Variants in TRPS1 observed in about 807,000 individuals in gnomAD.
The protein encoded by TRPS1 is zinc finger transcription factor Trps1.
A neutral mutation model predicts 101.2 loss-of-function variants in TRPS1; 6 were observed. The ratio of observed to expected loss-of-function variants is 0.06; its 90% CI spans 0.03 to 0.12. The LOEUF is 0.12. Among genes scored for constraint, TRPS1 ranks in the 10% least tolerant of loss-of-function variants. The probability of loss-of-function intolerance (pLI) is 1.00; values close to 1 mark genes in which losing one functional copy is unlikely to be tolerated. For synonymous variants in TRPS1, 578 were observed against 589.8 expected (o/e 0.98, Z 0.29); for missense variants, 1,363 against 1,567.0 (o/e 0.87, Z 2.20).
At chr8:115,667,963 T>C (rs772449999) in intron 1 of TRPS1, 1 of 1,453,672 alleles carries the variant, frequency 6.9e-7, no homozygotes, top group Non-Finnish European at 9.3e-7. Context: ...GCCCCTCGGG[T>C]CCAACCACCT....
At chr8:115,463,004 C>A (rs1814225950) in intron 5 of TRPS1, among the ~76,000 whole-genome samples, 1 of 152,162 alleles carries the variant, frequency 6.6e-6, no homozygotes, top group Non-Finnish European at 1.5e-5. Context: ...TCAACTTTCT[C>A]ATCTGTAAAC....
intron 4 of TRPS1, among the ~76,000 whole-genome samples, chr8:115,598,466 T>C (rs1817837045): frequency 6.6e-6 from 1 of 151,978 alleles, no homozygotes; most frequent in African/African-American, 2.4e-5. Context: ...ACCACTATAC[T>C]CAGATCATGT....
rs758324424 is a variant in TRPS1, at chr8:115,620,001, T to C, written c.97A>G (p.Ile33Val). 1.2e-6 allele frequency: 2 copies of C among 1,614,210 alleles called. No individual in the cohort carries two copies. The highest frequency in any genetic ancestry group is 1.7e-6 in the Non-Finnish European group (2 of 1,180,044). Reference sequence around the variant, plus strand: ...CTTTCTGTACCTATAGGCTCCAGGATCTGGCCCTCGCCTTCACTTGCAACG... The same window carrying C: ...CTTTCTGTACCTATAGGCTCCAGGACCTGGCCCTCGCCTTCACTTGCAACG... The part of the protein sequence containing the change: ...RNVASEGEGQ[I>V]LEPIGTESKV... The change falls in exon 3 of 7, where the codon ATC (isoleucine) becomes GTC (valine). Residue 33 changes from isoleucine to valine, a missense_variant. Ile to Val is a conservative substitution (Grantham distance 29, BLOSUM62 3). This residue lies in a region of TRPS1 where 1,020 missense variants were observed against 1,073.0 expected (regional missense o/e 0.95). Coordinates refer to ENST00000395715, the MANE Select transcript of TRPS1 (RefSeq NM_014112.5).
chr8:115,566,374 C>A (rs1817068191), intron 5 of TRPS1, among the ~76,000 whole-genome samples: 1 of 152,082 alleles, frequency 6.6e-6, no homozygotes, highest in South Asian at 2.1e-4. Context: ...TTGCTCAAGG[C>A]CAGTTGGCAA....
At chr8:115,603,360 T>TA (rs989396938) in intron 4 of TRPS1, among the ~76,000 whole-genome samples, 1 of 152,200 alleles carries the variant, frequency 6.6e-6, no homozygotes, top group African/African-American at 2.4e-5. Context: ...TTACTGTTTG[T>TA]ATGCTAAACA....
intron 2 of TRPS1, among the ~76,000 whole-genome samples, chr8:115,620,465 G>A (rs1818369444): frequency 6.9e-6 from 1 of 145,504 alleles, no homozygotes; most frequent in African/African-American, 2.8e-5. Context: ...ATGTACACAT[G>A]TTATGTTTAT....
At chr8:115,446,675 C>T (rs1813744865) in intron 5 of TRPS1, among the ~76,000 whole-genome samples, 1 of 152,140 alleles carries the variant, frequency 6.6e-6, no homozygotes, top group Non-Finnish European at 1.5e-5. Context: ...CTATCCATGG[C>T]TATTCTAGAA....
chr8:115,633,425 A>C (rs1279769987), intron 1 of TRPS1, among the ~76,000 whole-genome samples: 1 of 152,104 alleles, frequency 6.6e-6, no homozygotes, highest in Non-Finnish European at 1.5e-5. Flanking sequence ...GTAGATATTA[A>C]ATGTTCCATG....
chr8:115,556,989 T>C (rs1816836112), intron 5 of TRPS1, among the ~76,000 whole-genome samples: 1 of 152,148 alleles, frequency 6.6e-6, no homozygotes, highest in African/African-American at 2.4e-5. Flanking sequence ...AGAAAGAGGT[T>C]TAATGGACTT....
intron 5 of TRPS1, among the ~76,000 whole-genome samples, chr8:115,514,219 G>C (rs1815654181): frequency 6.6e-6 from 1 of 151,664 alleles, no homozygotes; most frequent in South Asian, 2.1e-4. Flanking sequence ...AATTAAAGAA[G>C]ACATGGTCCT....
Position 115,668,713 on chromosome 8 carries a change from A to T in TRPS1, c.-290T>A, listed in dbSNP as rs1215376452. On this transcript the variant is annotated 5_prime_UTR_variant, in exon 1 of 7. Transcript: ENST00000395715. ...CCCCTTTCCCTCCCCCACCCTTATT[A>T]AAAAAGAGAGAGAGAGAGAGAGAGA... 2 of 81,244 alleles carry T rather than the reference A, an allele frequency of 2.5e-5. No individual in the cohort carries two copies. The highest frequency in any genetic ancestry group is 6.0e-4 in the East Asian group (2 of 3,320). The allele number at this position is 81,244 out of a possible 1,614,324, so 5.0% of individuals were successfully genotyped here.
intron 5 of TRPS1, among the ~76,000 whole-genome samples, chr8:115,492,805 C>T (rs551010244): frequency 1.6e-3 from 249 of 152,146 alleles, no homozygotes; most frequent in Middle Eastern, 3.4e-3. Context: ...CCACCACCTC[C>T]CAGGTCCAAG....
intron 4 of TRPS1, among the ~76,000 whole-genome samples, chr8:115,596,677 T>C (rs1014502342): frequency 1.3e-5 from 2 of 151,802 alleles, no homozygotes; most frequent in African/African-American, 4.8e-5. Context: ...TACTTATATG[T>C]ATGCATACAT....
At chr8:115,535,690 T>C (rs1816302026) in intron 5 of TRPS1, among the ~76,000 whole-genome samples, 1 of 150,752 alleles carries the variant, frequency 6.6e-6, no homozygotes, top group Non-Finnish European at 1.5e-5. Flanking sequence ...TGAAACCCCA[T>C]CTCTACTAAA....
chr8:115,517,279 TTAACA>T (rs1815736995), intron 5 of TRPS1, among the ~76,000 whole-genome samples: 1 of 151,698 alleles, frequency 6.6e-6, no homozygotes, highest in African/African-American at 2.4e-5. Context: ...AGCTTCACTT[TTAACA>T]AGCCCCTGAA....
chr8:115,571,622 C>T (rs765193643), intron 5 of TRPS1, among the ~76,000 whole-genome samples: 4 of 152,088 alleles, frequency 2.6e-5, no homozygotes, highest in Non-Finnish European at 5.9e-5. Context: ...AGCGATTAAA[C>T]AACAGGTGAT....
intron 5 of TRPS1, among the ~76,000 whole-genome samples, chr8:115,420,477 T>C (rs1274765142): frequency 6.6e-6 from 1 of 152,200 alleles, no homozygotes; most frequent in Non-Finnish European, 1.5e-5. Flanking sequence ...AATGTAAATG[T>C]CCATTTGGAA....
chr8:115,574,378 C>T (rs946743918), intron 5 of TRPS1, among the ~76,000 whole-genome samples: 29 of 152,104 alleles, frequency 1.9e-4, no homozygotes, highest in Admixed American at 1.2e-3. Flanking sequence ...CTCACCAACA[C>T]GCATTCCAAT....
chr8:115,414,335 G>A lies in TRPS1; in HGVS notation c.3573C>T (p.Asn1191=), dbSNP rs375082372. Residue 1191 remains asparagine (N), a synonymous_variant, in exon 7 of 7, where the codon AAC becomes AAT. Transcript: ENST00000395715. This position sits in a 1 kb window ranked among gnomAD's most constrained non-coding sequence, Gnocchi z 4.8. ...IKHSRPGPTA[N]GASKEKTKAP... is the part of the protein sequence containing the mutation. ...CCTTCGTTTTCTCCTTGGAGGCACC[G>A]TTTGCAGTTGGCCCAGGTCTGGAAT... 28 of 1,613,896 alleles carry A rather than the reference G, an allele frequency of 1.7e-5. No individual in the cohort carries two copies. The highest frequency in any genetic ancestry group is 2.2e-5 in the South Asian group (2 of 91,076).
Sources: gnomAD v4.1 joint callset for allele counts (sites outside exome capture counted in the v4.1 genomes callset) on GRCh38, gnomAD v4.1.1 for gene constraint, gnomAD v4.1.1 regional missense constraint, Gnocchi (gnomAD v3.1) non-coding constraint, MANE v1.5 for transcripts, NCBI Gene and HGNC (gene_info 2026-07-23, HGNC 2026-07-21) for gene names.